RBFOX1: variants seen among roughly 807,000 people sequenced by gnomAD.
RBFOX1 encodes the protein RNA binding fox-1 homolog 1.
A neutral mutation model predicts 57.7 loss-of-function variants in RBFOX1; 8 were observed. The ratio of observed to expected loss-of-function variants is 0.14; its 90% CI spans 0.08 to 0.25. RBFOX1 has a LOEUF of 0.25. Among genes scored for constraint, RBFOX1 ranks in the 10% least tolerant of loss-of-function variants. RBFOX1 has a pLI of 1.00. For synonymous variants in RBFOX1, 326 were observed against 222.4 expected (o/e 1.47, Z -4.15); for missense variants, 611 against 548.5 (o/e 1.11, Z -1.14).
intron 1 of RBFOX1, among the ~76,000 whole-genome samples, chr16:5,466,543 C>T (rs1045059629): frequency 6.6e-6 from 1 of 152,168 alleles, no homozygotes; most frequent in Non-Finnish European, 1.5e-5. Context: ...TGTGTGTGCC[C>T]TCTGGGAATC....
At chr16:6,803,677 T>C (rs113532186) in intron 3 of RBFOX1, among the ~76,000 whole-genome samples, 4 of 152,302 alleles carry the variant, frequency 2.6e-5, no homozygotes, top group African/African-American at 7.2e-5. Context: ...CCTGAACAAA[T>C]ATGCAGATAT....
upstream of RBFOX1, among the ~76,000 whole-genome samples, chr16:6,015,219 A>G (rs574288521): frequency 1.2e-4 from 19 of 152,096 alleles, no homozygotes; most frequent in South Asian, 3.9e-3. Flanking sequence ...TCCTTTTCCT[A>G]TTCTGTTTAA....
chr16:5,686,571 G>C (rs549908069), intron 3 of RBFOX1, among the ~76,000 whole-genome samples: 4 of 152,020 alleles, frequency 2.6e-5, no homozygotes, highest in African/African-American at 7.2e-5. Context: ...CTTGACTTCT[G>C]ATTATTCACT....
At chr16:5,575,859 A>AAAT (rs2046434583) in intron 2 of RBFOX1, among the ~76,000 whole-genome samples, 1 of 151,716 alleles carries the variant, frequency 6.6e-6, no homozygotes, top group Non-Finnish European at 1.5e-5. Flanking sequence ...TCAAAAAAAA[A>AAAT]ATAGCATCAA....
chr16:5,366,563 CA>C (rs2151357006), intron 1 of RBFOX1: 1 of 388,994 alleles, frequency 2.6e-6, no homozygotes, highest in South Asian at 2.2e-5. Flanking sequence ...GAAATGCAAG[CA>C]AATATAGAAA....
intron 2 of RBFOX1, among the ~76,000 whole-genome samples, chr16:5,502,497 C>T (rs1299565982): frequency 6.6e-6 from 1 of 152,174 alleles, no homozygotes; most frequent in African/African-American, 2.4e-5. Flanking sequence ...GCCCCCTGCT[C>T]TGCTTCTCTG....
intron 1 of RBFOX1, among the ~76,000 whole-genome samples, chr16:5,446,544 C>G (rs887804127): frequency 4.6e-5 from 7 of 152,106 alleles, no homozygotes; most frequent in African/African-American, 1.7e-4. Context: ...ACACCCTGTC[C>G]TCTTCCTCCT....
intron 1 of RBFOX1, among the ~76,000 whole-genome samples, chr16:5,313,950 G>A (rs2064161392): frequency 6.6e-6 from 1 of 152,174 alleles, no homozygotes; most frequent in Admixed American, 6.6e-5. Flanking sequence ...GGGATGTTTT[G>A]TGTGTCCTTT....
chr16:5,423,748 G>T lies in RBFOX1; in HGVS notation c.220-43468G>T, dbSNP rs78418746. On this transcript the variant is annotated intron_variant, in intron 1 of 2. Coordinates refer to the RBFOX1 transcript ENST00000585867. ...TTTGAGTGGCTCATAGAATCATCTT[G>T]TGAAATTGGCTCTTTTTATAAATCA... is the stretch of plus-strand genomic sequence containing the variant. Among the ~76,000 whole-genome samples, 1,517 of 152,242 alleles carry T rather than the reference G, an allele frequency of 1.0e-2. 11 individuals are homozygous for T. The highest frequency in any genetic ancestry group is 0.02 in the Middle Eastern group (6 of 294).
intron 1 of RBFOX1, among the ~76,000 whole-genome samples, chr16:5,397,799 G>A (rs1023673637): frequency 8.5e-5 from 13 of 152,106 alleles, no homozygotes; most frequent in African/African-American, 3.1e-4. Context: ...TTTTATTAAG[G>A]AATTACTATT....
intron 1 of RBFOX1, among the ~76,000 whole-genome samples, chr16:6,052,948 A>G (rs1440277426): frequency 6.6e-6 from 1 of 152,082 alleles, no homozygotes; most frequent in Admixed American, 6.6e-5. Context: ...TTAGTTCATC[A>G]TCTTACTGTT....
intron 3 of RBFOX1, among the ~76,000 whole-genome samples, chr16:5,624,451 C>A (rs1047162591): frequency 6.6e-6 from 1 of 152,244 alleles, no homozygotes; most frequent in Admixed American, 6.5e-5. Context: ...CCCGCCTCGG[C>A]CTCCCAAAGT....
intron 1 of RBFOX1, among the ~76,000 whole-genome samples, chr16:6,278,958 C>T (rs2076107033): frequency 6.6e-6 from 1 of 151,770 alleles, no homozygotes; most frequent in South Asian, 2.1e-4. Flanking sequence ...GAGTTTGAAA[C>T]AAGGTTTGTG....
chr16:5,388,588 A>G (rs560928296), intron 1 of RBFOX1, among the ~76,000 whole-genome samples: 5 of 151,968 alleles, frequency 3.3e-5, no homozygotes, highest in African/African-American at 7.2e-5. Context: ...GTATGTATAT[A>G]TTTACTGAGA....
At chr16:7,632,689 A>T (rs2061167468) in intron 11 of RBFOX1, among the ~76,000 whole-genome samples, 1 of 152,040 alleles carries the variant, frequency 6.6e-6, no homozygotes, top group South Asian at 2.1e-4. Context: ...CTAGAGTATT[A>T]TTTTTTTCTC....
intron 2 of RBFOX1, among the ~76,000 whole-genome samples, chr16:6,347,389 T>C (rs1567986416): frequency 6.6e-6 from 1 of 152,240 alleles, no homozygotes; most frequent in Non-Finnish European, 1.5e-5. Flanking sequence ...AACAGGCATG[T>C]TCCTTTCTTC....
At chr16:7,184,020 C>T (rs1404841439) in intron 4 of RBFOX1, among the ~76,000 whole-genome samples, 1 of 152,174 alleles carries the variant, frequency 6.6e-6, no homozygotes, top group African/African-American at 2.4e-5. Context: ...AGGGGCGATG[C>T]AGATGGCTGG....
chr16:7,294,250 C>G (rs2095848495), intron 4 of RBFOX1, among the ~76,000 whole-genome samples: 1 of 152,090 alleles, frequency 6.6e-6, no homozygotes, highest in South Asian at 2.1e-4. Context: ...GTCCCACGCA[C>G]TTACATTCAG....
At chr16:5,711,098 G>C (rs573580637) in intron 3 of RBFOX1, among the ~76,000 whole-genome samples, 7 of 152,318 alleles carry the variant, frequency 4.6e-5, no homozygotes, top group African/African-American at 1.7e-4. Flanking sequence ...TTGTAGTAAT[G>C]ATTGCATAAT....
Sources: allele counts gnomAD v4.1 joint callset (sites outside exome capture counted in the v4.1 genomes callset), GRCh38; gene constraint gnomAD v4.1.1; transcripts MANE v1.5; gene names NCBI Gene and HGNC (gene_info 2026-07-23, HGNC 2026-07-21).